Variants in TMEM150C observed in about 807,000 individuals in gnomAD.
TMEM150C encodes transmembrane protein 150C, also known as tentonin 3.
TMEM150C carries 10 observed loss-of-function variants against 29.9 expected under a neutral mutation model. The ratio of observed to expected loss-of-function variants is 0.33; its 90% CI spans 0.21 to 0.57. The LOEUF is 0.57. Among genes scored for constraint, TMEM150C ranks in the 20% least tolerant of loss-of-function variants. The pLI, the probability that TMEM150C is intolerant of heterozygous loss-of-function variation, is 0.88. For synonymous variants in TMEM150C, 101 were observed against 112.5 expected, an observed-to-expected ratio of 0.90 and a Z score of 0.64; for missense variants, 251 against 303.6, an observed-to-expected ratio of 0.83 and a Z score of 1.29.
intron 1 of TMEM150C, among the ~76,000 whole-genome samples, chr4:82,523,640 C>G (rs1724560198): frequency 6.6e-6 from 1 of 152,122 alleles, no homozygotes; most frequent in Admixed American, 6.5e-5. Flanking sequence ...CCCAAAGACC[C>G]CTTTCCCTCT....
At chr4:82,489,387 G>T (rs1235718197) in intron 7 of TMEM150C, among the ~76,000 whole-genome samples, 1 of 152,034 alleles carries the variant, frequency 6.6e-6, no homozygotes, top group African/African-American at 2.4e-5. Context: ...TGGTTAAGTT[G>T]AATTCCAAGG....
At chr4:82,495,979 A>T in intron 6 of TMEM150C, 89 bp downstream of exon 6, 2 of 1,531,460 alleles carry the variant, frequency 1.3e-6, no homozygotes, top group Non-Finnish European at 1.8e-6. Context: ...TATGGGCCAT[A>T]TGGTGATTAT....
chr4:82,497,280 C>G (rs549736166), intron 5 of TMEM150C, among the ~76,000 whole-genome samples: 1 of 152,064 alleles, frequency 6.6e-6, no homozygotes, highest in Non-Finnish European at 1.5e-5. Flanking sequence ...AGGAAACAAA[C>G]TTACTACTAA....
intron 1 of TMEM150C, among the ~76,000 whole-genome samples, chr4:82,549,261 T>C (rs1445475095): frequency 6.6e-6 from 1 of 152,210 alleles, no homozygotes; most frequent in African/African-American, 2.4e-5. Flanking sequence ...GTATATATAC[T>C]ATGGAATATT....
At chr4:82,534,556 A>G (rs969198834) in intron 1 of TMEM150C, among the ~76,000 whole-genome samples, 1 of 152,252 alleles carries the variant, frequency 6.6e-6, no homozygotes, top group Non-Finnish European at 1.5e-5. Context: ...AGAGTTATCA[A>G]TTCTGTGCAG....
At chr4:82,551,018 C>T (rs1458241928) in intron 1 of TMEM150C, among the ~76,000 whole-genome samples, 2 of 152,110 alleles carry the variant, frequency 1.3e-5, no homozygotes, top group Non-Finnish European at 2.9e-5. Flanking sequence ...CTGAATTCAT[C>T]GGTCAGACCC....
intron 1 of TMEM150C, among the ~76,000 whole-genome samples, chr4:82,552,109 C>T (rs927140332): frequency 1.3e-5 from 2 of 152,138 alleles, no homozygotes; most frequent in African/African-American, 4.8e-5. Flanking sequence ...ACTGGCTCCC[C>T]CACACCTTCC....
chr4:82,520,379 C>T (rs1035291454), intron 1 of TMEM150C, among the ~76,000 whole-genome samples: 5 of 152,170 alleles, frequency 3.3e-5, no homozygotes, highest in African/African-American at 7.2e-5. Context: ...TTGCTTTGTC[C>T]GCAGTCTGCC....
intron 1 of TMEM150C, among the ~76,000 whole-genome samples, chr4:82,514,948 A>C (rs552024404): frequency 1.9e-4 from 29 of 152,346 alleles, no homozygotes; most frequent in African/African-American, 7.0e-4. Flanking sequence ...TTGTTATAGC[A>C]GCTGAACCTT....
chr4:82,524,517 G>A (rs953650224), intron 1 of TMEM150C, among the ~76,000 whole-genome samples: 1 of 152,138 alleles, frequency 6.6e-6, no homozygotes, highest in African/African-American at 2.4e-5. Context: ...TTTAGTCTCT[G>A]CAGAAAATTA....
intron 1 of TMEM150C, among the ~76,000 whole-genome samples, chr4:82,505,060 GAAAA>G (rs976753912): frequency 6.6e-6 from 1 of 150,546 alleles, no homozygotes; most frequent in South Asian, 2.1e-4. Context: ...TAGTCTAACT[GAAAA>G]AAAAAGTGTA....
chr4:82,536,956 A>G (rs976460567), intron 1 of TMEM150C, among the ~76,000 whole-genome samples: 1 of 152,174 alleles, frequency 6.6e-6, no homozygotes, highest in Non-Finnish European at 1.5e-5. Context: ...TAAGTGCACA[A>G]AAATTTTGTT....
At chr4:82,559,641 C>CA (rs986900949) in intron 1 of TMEM150C, among the ~76,000 whole-genome samples, 45 of 152,166 alleles carry the variant, frequency 3.0e-4, no homozygotes, top group African/African-American at 1.1e-3. Flanking sequence ...GACCTGGATT[C>CA]AATAACACTT....
At chr4:82,517,507 G>A (rs1724330641) in intron 1 of TMEM150C, among the ~76,000 whole-genome samples, 1 of 152,140 alleles carries the variant, frequency 6.6e-6, no homozygotes, top group Non-Finnish European at 1.5e-5. Context: ...TGAGGGCCCT[G>A]ATAGAGCAAA....
chr4:82,490,987 C>T (rs760495779), intron 6 of TMEM150C: 1 of 738,822 alleles, frequency 1.4e-6, no homozygotes, highest in Non-Finnish European at 2.5e-6. Context: ...GCCAAAGCTC[C>T]TTTGTCTTCC....
At chr4:82,533,170 A>G (rs1323408357) in intron 1 of TMEM150C, among the ~76,000 whole-genome samples, 1 of 136,500 alleles carries the variant, frequency 7.3e-6, no homozygotes, top group Non-Finnish European at 1.5e-5. Flanking sequence ...TTCTCTTTTT[A>G]ACTGGTTATA....
chr4:82,507,410 A>C (rs557562370), intron 1 of TMEM150C, among the ~76,000 whole-genome samples: 11 of 152,320 alleles, frequency 7.2e-5, no homozygotes, highest in African/African-American at 2.6e-4. Context: ...CTATGGCATC[A>C]AGCTACAATA....
At chr4:82,535,242 G>GT (rs1724968513) in intron 1 of TMEM150C, among the ~76,000 whole-genome samples, 1 of 152,194 alleles carries the variant, frequency 6.6e-6, no homozygotes, top group Admixed American at 6.5e-5. Context: ...GTTGCATCTT[G>GT]TGAGGGCTTT....
intron 6 of TMEM150C, 135 bp downstream of exon 6, chr4:82,495,933 A>G: frequency 8.9e-7 from 1 of 1,120,368 alleles, no homozygotes; most frequent in Non-Finnish European, 1.3e-6. Context: ...CATGGAAAAG[A>G]GTCCTAGTTT....
Sources: gnomAD v4.1 joint callset for allele counts (sites outside exome capture counted in the v4.1 genomes callset) on GRCh38, gnomAD v4.1.1 for gene constraint, MANE v1.5 for transcripts, NCBI Gene and HGNC (gene_info 2026-07-23, HGNC 2026-07-21) for gene names.